Variants in ITGA5 observed in about 807,000 individuals in gnomAD.
The protein encoded by ITGA5 is integrin subunit alpha 5.
Under a neutral mutation model 146.3 loss-of-function variants are expected in ITGA5, and 55 were observed. The ratio of observed to expected loss-of-function variants is 0.38; its 90% CI spans 0.30 to 0.47. The LOEUF is 0.47. Ranked by LOEUF, ITGA5 falls within the 20% of genes least tolerant of loss-of-function variation. The pLI, the probability that ITGA5 is intolerant of heterozygous loss-of-function variation, is 0.99. For synonymous variants in ITGA5, 500 were observed against 531.8 expected, an observed-to-expected ratio of 0.94 and a Z score of 0.82; for missense variants, 1,131 against 1,329.0, an observed-to-expected ratio of 0.85 and a Z score of 2.32.
intron 12 of ITGA5, 63 bp from the exon 13 acceptor site, chr12:54,404,957 A>G: frequency 1.5e-6 from 2 of 1,369,178 alleles, no homozygotes; most frequent in Admixed American, 2.7e-5. Flanking sequence ...AATCTCTACT[A>G]CCAGACCCCA....
intron 1 of ITGA5, among the ~76,000 whole-genome samples, chr12:54,417,122 A>C (rs966081657): frequency 6.6e-6 from 1 of 152,072 alleles, no homozygotes; most frequent in Admixed American, 6.5e-5. Context: ...GATGAGCAGA[A>C]GGGGAGGGGG....
rs1192691483 is a variant in ITGA5, at chr12:54,403,203, C to A, written c.1898G>T (p.Ser633Ile). 1.3e-6 allele frequency: 2 copies of A among 1,561,234 alleles called. No homozygotes were observed. The highest frequency in any genetic ancestry group is 1.7e-6 in the Non-Finnish European group (2 of 1,155,150). The change falls in exon 18 of 30, where the codon AGC (serine) becomes ATC (isoleucine). Residue 633 changes from serine (S) to isoleucine (I), a missense_variant. Physicochemically the swap from Ser to Ile is moderately radical, Grantham distance 142. This residue lies in a region of ITGA5 where 889 missense variants were observed against 1,021.5 expected (regional missense o/e 0.87). Transcript: ENST00000293379. The surrounding 1 kb of genome is among the most constrained non-coding windows in gnomAD (Gnocchi z 4.9). The stretch of plus-strand genomic sequence containing the variant: ...TGTCCTCACCTTGTCCTCTATCCGG[C>A]TCTTGCTCTGATAATGTAGGGCTGG... ...LRPALHYQSKSRIEDKAQILL... is the reference protein window; with the variant it reads ...LRPALHYQSKIRIEDKAQILL...
chr12:54,400,971 T>C lies in ITGA5; in HGVS notation c.2518A>G (p.Ile840Val), dbSNP rs1327529649. 6.2e-7 allele frequency: 1 copy of C among 1,613,892 alleles called. No individual in the cohort carries two copies. Among genetic ancestry groups the C allele is most frequent in the Non-Finnish European group, 8.5e-7 (1 of 1,179,934 alleles). ...CTGAGTTCCAGCACACCCTGGCTAATGGAGCTGGGGCCTTGGTTGATGAGC... is the reference window on the plus strand; with the variant it reads ...CTGAGTTCCAGCACACCCTGGCTAACGGAGCTGGGGCCTTGGTTGATGAGC... The part of the protein sequence containing the change: ...YELINQGPSS[I>V]SQGVLELSCP... The change falls in exon 25 of 30, where the codon ATT becomes GTT. Residue 840 changes from isoleucine to valine, a missense_variant. Physicochemically the swap from Ile to Val is conservative, Grantham distance 29. Coordinates refer to ENST00000293379, the MANE Select transcript of ITGA5 (RefSeq NM_002205.5).
rs200109874 is a variant in ITGA5 at position 54,408,904 on chromosome 12, C to T, written c.634G>A (p.Glu212Lys). The T allele has an allele frequency of 3.7e-6, 6 of 1,614,012 alleles. No individual in the cohort carries two copies. In the Admixed American group the frequency reaches 8.3e-5, roughly 22 times the overall value. The change falls in exon 5 of 30, where the codon GAG becomes AAG. Residue 212 changes from glutamate (E) to lysine (K), a missense_variant. Around this residue, in one of 3 missense-constraint regions of ITGA5, gnomAD observed 67 missense variants for 128.2 expected, o/e 0.52. Coordinates refer to ENST00000293379, the MANE Select transcript of ITGA5 (RefSeq NM_002205.5). ...QGYCQGGFSAEFTKTGRVVLG... is the reference protein window; with the variant it reads ...QGYCQGGFSAKFTKTGRVVLG... ...GACCACTCTCTCACCTTGGTGAACT[C>T]GGCACTGAAGCCTCCTTGGCAGTAA...
chr12:54,406,497 C>A (rs1285804907), intron 9 of ITGA5, among the ~76,000 whole-genome samples: 1 of 152,218 alleles, frequency 6.6e-6, no homozygotes, highest in Non-Finnish European at 1.5e-5. Flanking sequence ...CTCCAGCTCT[C>A]CCAGCAGATC....
chr12:54,396,115 A>C lies in ITGA5; in HGVS notation c.*178T>G. ...GGGTCCTTCACAGTGCATGGGGGGG[A>C]GGGATCCCCAGCTCCTCACCCCCCT... On this transcript the variant is annotated 3_prime_UTR_variant, in exon 30 of 30. Transcript: ENST00000293379. 1.7e-6 allele frequency: 1 copy of C among 579,414 alleles called. No individual in the cohort carries two copies. Among genetic ancestry groups the C allele is most frequent in the Non-Finnish European group, 3.1e-6 (1 of 322,512 alleles). The allele number at this position is 579,414 out of a possible 1,614,324, so 35.9% of individuals were successfully genotyped here.
intron 9 of ITGA5, among the ~76,000 whole-genome samples, chr12:54,407,090 AATAG>A (rs1029819179): frequency 1.3e-5 from 2 of 152,230 alleles, no homozygotes; most frequent in African/African-American, 4.8e-5. Flanking sequence ...AGAAATCATG[AATAG>A]ATAGTGCCTG....
intron 1 of ITGA5, among the ~76,000 whole-genome samples, chr12:54,415,982 T>G (rs1248962627): frequency 1.3e-5 from 2 of 152,228 alleles, no homozygotes; most frequent in Non-Finnish European, 2.9e-5. Flanking sequence ...AATGATGGAT[T>G]TCCCTTGAAT....
chr12:54,416,962 G>A lies in ITGA5; in HGVS notation c.218+2019C>T, dbSNP rs1003673801. Among the ~76,000 whole-genome samples the A allele has an allele frequency of 9.2e-5, 14 of 152,138 alleles. No homozygotes were observed. The highest frequency in any genetic ancestry group is 3.1e-4 in the African/African-American group (13 of 41,420). Reference sequence around the variant, plus strand: ...TGGCTGTAGGTGAGGGGCTGTGTTTGTCTTGTGTTGTGGGAAAGGGGGTGA... The same window carrying A: ...TGGCTGTAGGTGAGGGGCTGTGTTTATCTTGTGTTGTGGGAAAGGGGGTGA... On this transcript the variant is annotated intron_variant, in intron 1 of 29. Transcript: ENST00000293379. The surrounding 1 kb of genome is among the most constrained non-coding windows in gnomAD (Gnocchi z 4.1).
chr12:54,402,656 C>T (rs1039117939), intron 19 of ITGA5, among the ~76,000 whole-genome samples: 31 of 151,420 alleles, frequency 2.0e-4, no homozygotes, highest in African/African-American at 7.0e-4. Context: ...GCCGAGATTG[C>T]GCCACTGCAC....
rs200762172 is a variant in ITGA5, at chr12:54,402,967, C to T, written c.1982+16G>A. 3.1e-5 allele frequency: 50 copies of T among 1,611,936 alleles called. No individual in the cohort carries two copies. Among genetic ancestry groups the T allele is most frequent in the South Asian group, 1.1e-4 (10 of 91,032 alleles). ...GTGCACCTGGAGCTCCCTAGCTTACCGTCAGCCCTACTTACCCAAACACTT... is the reference window on the plus strand; with the variant it reads ...GTGCACCTGGAGCTCCCTAGCTTACTGTCAGCCCTACTTACCCAAACACTT... On this transcript the variant is annotated intron_variant, in intron 19 of 29. Transcript: ENST00000293379.
chr12:54,402,436 C>T (rs1421896218), intron 19 of ITGA5, 106 bp from the exon 20 acceptor site: 3 of 1,047,666 alleles, frequency 2.9e-6, no homozygotes, highest in African/African-American at 3.2e-5. Flanking sequence ...GTGGCTCACA[C>T]CTGTAATCCC....
intron 1 of ITGA5, among the ~76,000 whole-genome samples, chr12:54,417,197 G>A (rs951405222): frequency 6.6e-6 from 1 of 151,998 alleles, no homozygotes; most frequent in African/African-American, 2.4e-5. Context: ...TCAGGCCAGG[G>A]GCCAGACAGA....
chr12:54,400,222 G>T, intron 25 of ITGA5: 1 of 455,914 alleles, frequency 2.2e-6, no homozygotes, highest in East Asian at 4.2e-5. Context: ...GGTTTGGAAT[G>T]CTCATCCCTG....
At position 54,403,604 on chromosome 12, in the gene ITGA5, A is replaced by C; in HGVS notation, c.1776+21T>G. ...TGGCCACCCTCCCTGGCCAGTCCAC[A>C]CCCCGCCCTCTGGGCCATACCCTGA... On this transcript the variant is annotated intron_variant, in intron 17 of 29. Transcript: ENST00000293379. This position sits in a 1 kb window ranked among gnomAD's most constrained non-coding sequence, Gnocchi z 4.9. The C allele has an allele frequency of 1.9e-6, 3 of 1,607,284 alleles. No individual in the cohort carries two copies. Among genetic ancestry groups the C allele is most frequent in the Non-Finnish European group, 2.5e-6 (3 of 1,176,562 alleles).
At chr12:54,406,329 C>G (rs148941801) in intron 9 of ITGA5, among the ~76,000 whole-genome samples, 5 of 152,174 alleles carry the variant, frequency 3.3e-5, no homozygotes, top group Non-Finnish European at 7.3e-5. Context: ...AAACCCATCA[C>G]GTTCAAAACC....
At chr12:54,412,923 T>G (rs1023529573) in intron 1 of ITGA5, among the ~76,000 whole-genome samples, 1 of 152,190 alleles carries the variant, frequency 6.6e-6, no homozygotes, top group African/African-American at 2.4e-5. Context: ...TCTGGACCAG[T>G]GCTCCTGCCA....
At position 54,404,734 on chromosome 12, in the gene ITGA5, T is replaced by A; in HGVS notation, c.1386A>T (p.Gly462=). 6.2e-7 allele frequency: 1 copy of A among 1,614,112 alleles called. No individual in the cohort carries two copies. The highest frequency in any genetic ancestry group is 8.5e-7 in the Non-Finnish European group (1 of 1,180,020). Residue 462 remains glycine, a synonymous_variant, in exon 13 of 30, where the codon GGA becomes GGT. Transcript: ENST00000293379. ...TPDFFGSALR[G]GRDLDGNGYP... Reference sequence around the variant, plus strand: ...ATCCATTGCCATCCAGGTCTCGGCCTCCTCGAAGGGCAGAGCCAAAGAAGT... The same window carrying A: ...ATCCATTGCCATCCAGGTCTCGGCCACCTCGAAGGGCAGAGCCAAAGAAGT...
chr12:54,416,982 G>C lies in ITGA5; in HGVS notation c.218+1999C>G, dbSNP rs763058956. ...TGTTTGTCTTGTGTTGTGGGAAAGG[G>C]GGTGAAGGCCTAGCTGTGGTGGGAG... On this transcript the variant is annotated intron_variant, in intron 1 of 29. Coordinates refer to ENST00000293379, the MANE Select transcript of ITGA5 (RefSeq NM_002205.5). This position sits in a 1 kb window ranked among gnomAD's most constrained non-coding sequence, Gnocchi z 4.1. 1.1e-4 allele frequency among the ~76,000 whole-genome samples: 17 copies of C among 152,166 alleles called. No homozygotes were observed. The highest frequency in any genetic ancestry group is 2.4e-4 in the Non-Finnish European group (16 of 68,038).
Sources: gnomAD v4.1 joint callset for allele counts (sites outside exome capture counted in the v4.1 genomes callset) on GRCh38, gnomAD v4.1.1 for gene constraint, gnomAD v4.1.1 regional missense constraint, Gnocchi (gnomAD v3.1) non-coding constraint, MANE v1.5 for transcripts, NCBI Gene and HGNC (gene_info 2026-07-23, HGNC 2026-07-21) for gene names.